ZFP37: variants seen among roughly 807,000 people sequenced by gnomAD.
The protein encoded by ZFP37 is ZFP37 zinc finger protein, also known as zinc finger protein 37 homolog.
A neutral mutation model predicts 52.1 loss-of-function variants in ZFP37; 38 were observed. The ratio of observed to expected loss-of-function variants is 0.73; its 90% CI spans 0.56 to 0.96. ZFP37 has a LOEUF of 0.96. ZFP37 is among the 40% of genes least tolerant of loss of function. The pLI is 0.00. For missense variants in ZFP37, 695 were observed against 741.4 expected (o/e 0.94, Z 0.73); for synonymous variants, 253 against 259.5 (o/e 0.98, Z 0.24).
In ZFP37 at chr9:113,038,406, T is replaced by C. The variant is rs1157187394; in HGVS notation, c.*4319A>G. On this transcript the variant is annotated 3_prime_UTR_variant, in exon 4 of 4. Coordinates refer to ENST00000374227, the MANE Select transcript of ZFP37 (RefSeq NM_003408.3). ...TTTGTAAACTGTTTTTTATTTAGTA[T>C]TTTAGATGCTACAGGTTGGTTTGTA... 6.6e-6 allele frequency: 1 copy of C among 152,138 alleles called. No individual in the cohort carries two copies. Among genetic ancestry groups the C allele is most frequent in the African/African-American group, 2.4e-5 (1 of 41,438 alleles). 9.4% of individuals were successfully genotyped at this position (152,138 alleles called of 1,614,324 possible). A position where few individuals can be genotyped will look rare whatever the true frequency, so the allele number is the denominator to read the frequency against.
In ZFP37 at chr9:113,043,971, A is replaced by G; in HGVS notation, c.647T>C (p.Leu216Ser). 6 of 1,614,052 alleles carry G rather than the reference A, an allele frequency of 3.7e-6. No individual in the cohort carries two copies. Among genetic ancestry groups the G allele is most frequent in the Non-Finnish European group, 5.1e-6 (6 of 1,179,952 alleles). Residue 216 changes from leucine (L) to serine (S), a missense_variant, in exon 4 of 4, where the codon TTA becomes TCA. By Grantham distance (145) the Leu-to-Ser change is moderately radical (BLOSUM62 -2). Transcript: ENST00000374227. ...KEHKKSFNHS[L>S]SDTRKGKKQT... ...CTTTTTGCCTTTCCTTGTATCAGAT[A>G]AGCTATGGTTGAATGACTTCTTGTG...
Position 113,043,488 on chromosome 9 carries a change from T to G in ZFP37, c.1130A>C (p.Tyr377Ser). The G allele has an allele frequency of 6.2e-7, 1 of 1,614,102 alleles. No homozygotes were observed. Among genetic ancestry groups the G allele is most frequent in the South Asian group, 1.1e-5 (1 of 91,078 alleles). Reference sequence around the variant, plus strand: ...GGTTTTCCCACATTCAGCACATTCATAGGGCTTTTCTCCAGTATGAATTCT... The same window carrying G: ...GGTTTTCCCACATTCAGCACATTCAGAGGGCTTTTCTCCAGTATGAATTCT... ...HLRIHTGEKPYECAECGKTFR... is the reference protein window; with the variant it reads ...HLRIHTGEKPSECAECGKTFR... Residue 377 changes from tyrosine to serine, a missense_variant, in exon 4 of 4, where the codon TAT (tyrosine) becomes TCT (serine). This residue lies in a region of ZFP37 where 326 missense variants were observed against 400.5 expected (regional missense o/e 0.81). Transcript: ENST00000374227.
rs762643481 is a variant in ZFP37, at chr9:113,043,039, T to A, written c.1579A>T (p.Lys527Ter). 5 of 1,613,640 alleles carry A rather than the reference T, an allele frequency of 3.1e-6. No individual in the cohort carries two copies. In the Admixed American group the frequency reaches 8.3e-5, roughly 27 times the overall value. Residue 527 changes from lysine (K) to a stop codon, truncating the protein, a stop_gained, in exon 4 of 4, where the codon AAA becomes TAA. Transcript: ENST00000374227. LOFTEE classifies it high-confidence loss of function. ...FECNQCGKGF[K>*]QIEGLTQHQR... is the part of the protein sequence containing the mutation. Reference sequence around the variant, plus strand: ...TGTTGAGTAAGGCCTTCAATTTGTTTAAAGCCTTTCCCACATTGATTACAT... The same window carrying A: ...TGTTGAGTAAGGCCTTCAATTTGTTAAAAGCCTTTCCCACATTGATTACAT...
Position 113,040,819 on chromosome 9 carries a change from ATATTT to A in ZFP37, c.*1901_*1905del, listed in dbSNP as rs1160794901. 6 of 152,220 alleles carry A rather than the reference ATATTT, an allele frequency of 3.9e-5. No homozygotes were observed. The highest frequency in any genetic ancestry group is 7.3e-5 in the Non-Finnish European group (5 of 68,038). 9.4% of individuals were successfully genotyped at this position (152,220 alleles called of 1,614,324 possible). ...ATAAAAGATAACATGCCAAATTATA[ATATTT>A]TATATTATGTAAATTAATATTGTAT... On this transcript the variant is annotated 3_prime_UTR_variant, in exon 4 of 4. Coordinates refer to ENST00000374227, the MANE Select transcript of ZFP37 (RefSeq NM_003408.3).
chr9:113,055,509 G>A (rs1829124533), intron 1 of ZFP37, among the ~76,000 whole-genome samples: 1 of 152,140 alleles, frequency 6.6e-6, no homozygotes, highest in Non-Finnish European at 1.5e-5. Context: ...GGACAAAGCA[G>A]GGACTGCAAA....
rs1456495700 is a variant in ZFP37 at position 113,056,703 on chromosome 9, G to A, written c.-15C>T. 3.7e-6 allele frequency: 6 copies of A among 1,610,178 alleles called. No homozygotes were observed. Among genetic ancestry groups the A allele is most frequent in the East Asian group, 2.2e-5 (1 of 44,864 alleles). On this transcript the variant is annotated 5_prime_UTR_variant, in exon 1 of 4. Coordinates refer to ENST00000374227, the MANE Select transcript of ZFP37 (RefSeq NM_003408.3). ...GAGACCGACATGGCGGCTACCCGGA[G>A]GGCGGCCTTAGCGGGTCCGGCAGCC...
chr9:113,056,119 TGATGCTCCCA>T lies in ZFP37; in HGVS notation c.132+428_132+437del, dbSNP rs879502602. Reference sequence around the variant, plus strand: ...TCACTGACTCCCAAGCCCCAATCTCTGATGCTCCCAGATGCTCCCAATCACTGAATTTCCC... The same window carrying T: ...TCACTGACTCCCAAGCCCCAATCTCTGATGCTCCCAATCACTGAATTTCCC... On this transcript the variant is annotated intron_variant, in intron 1 of 3. Transcript: ENST00000374227. 9.9e-5 allele frequency among the ~76,000 whole-genome samples: 15 copies of T among 151,828 alleles called. 1 individual carries two copies. Among genetic ancestry groups the T allele is most frequent in the South Asian group, 4.2e-4 (2 of 4,784 alleles).
chr9:113,056,475 T>C, intron 1 of ZFP37, 82 bp downstream of exon 1: 1 of 1,560,570 alleles, frequency 6.4e-7, no homozygotes, highest in Non-Finnish European at 8.7e-7. Context: ...AAATCACCTA[T>C]CGTCACAGAC....
rs766308019 is a variant in ZFP37 at position 113,043,748 on chromosome 9, C to T, written c.870G>A (p.Val290=). The part of the protein sequence containing the change: ...STKHEKPQAC[V]KPYECNQCGK... ...CACATTGATTACATTCATAGGGTTT[C>T]ACACAAGCTTGAGGTTTTTCATGCT... is the stretch of plus-strand genomic sequence containing the variant. The change falls in exon 4 of 4, where the codon GTG becomes GTA. Residue 290 remains valine, a synonymous_variant. Transcript: ENST00000374227. The T allele has an allele frequency of 2.5e-6, 4 of 1,614,004 alleles. No individual in the cohort carries two copies. Among genetic ancestry groups the T allele is most frequent in the Non-Finnish European group, 3.4e-6 (4 of 1,179,952 alleles).
chr9:113,047,963 A>G (rs1248999502), intron 3 of ZFP37, among the ~76,000 whole-genome samples: 1 of 152,226 alleles, frequency 6.6e-6, no homozygotes, highest in Non-Finnish European at 1.5e-5. Context: ...ATGAATAATC[A>G]ATACAATTTT....
chr9:113,038,615 T>C lies in ZFP37; in HGVS notation c.*4110A>G, dbSNP rs1828800261. 8.7e-6 allele frequency: 1 copy of C among 115,298 alleles called. No individual in the cohort carries two copies. The highest frequency in any genetic ancestry group is 3.7e-5 in the African/African-American group (1 of 27,156). 7.1% of individuals were successfully genotyped at this position (115,298 alleles called of 1,614,324 possible). On this transcript the variant is annotated 3_prime_UTR_variant, in exon 4 of 4. Transcript: ENST00000374227. ...CTGAGTAACATGGCAAAACTCTGTT[T>C]CCACCAAAAAAAAAAAAAAAAAATT...
Position 113,052,738 on chromosome 9 carries a change from GA to G in ZFP37, c.133-2867del, listed in dbSNP as rs1829078229. ...GTACAAAAATTCCAGACTCCCAGAA[GA>G]AAGCAGGTGTTCAGCATAAACCACA... On this transcript the variant is annotated intron_variant, in intron 1 of 3. Transcript: ENST00000374227. This position sits in a 1 kb window ranked among gnomAD's most constrained non-coding sequence, Gnocchi z 4.1. Among the ~76,000 whole-genome samples, 1 of 152,172 alleles carries G rather than the reference GA, an allele frequency of 6.6e-6. No individual in the cohort carries two copies. Among genetic ancestry groups the G allele is most frequent in the Non-Finnish European group, 1.5e-5 (1 of 68,008 alleles).
intron 3 of ZFP37, among the ~76,000 whole-genome samples, chr9:113,046,921 A>G (rs1828967770): frequency 6.6e-6 from 1 of 152,142 alleles, no homozygotes; most frequent in South Asian, 2.1e-4. Flanking sequence ...ATCCTAGCTA[A>G]CACGGTGAAA....
intron 1 of ZFP37, among the ~76,000 whole-genome samples, chr9:113,055,330 C>A (rs1306764030): frequency 6.6e-6 from 1 of 152,214 alleles, no homozygotes; most frequent in Non-Finnish European, 1.5e-5. Context: ...TCACTCTGTA[C>A]CACACCATCC....
intron 3 of ZFP37, among the ~76,000 whole-genome samples, chr9:113,046,477 C>G (rs1828958927): frequency 2.0e-5 from 3 of 152,016 alleles, no homozygotes; most frequent in Admixed American, 1.3e-4. Context: ...TGAAAACTTT[C>G]CCCTTGACAT....
chr9:113,056,502 C>A, intron 1 of ZFP37, 55 bp downstream of exon 1: 1 of 1,599,260 alleles, frequency 6.3e-7, no homozygotes, highest in Non-Finnish European at 8.5e-7. Flanking sequence ...AATCACTGCC[C>A]CGCAAGTACA....
intron 1 of ZFP37, among the ~76,000 whole-genome samples, chr9:113,051,196 T>C (rs917844220): frequency 6.6e-6 from 1 of 152,146 alleles, no homozygotes; most frequent in South Asian, 2.1e-4. Context: ...CTTGATAATG[T>C]GCTTGTACAA....
rs1396448075 is a variant in ZFP37, at chr9:113,043,668, C to G, written c.950G>C (p.Gly317Ala). The change falls in exon 4 of 4, where the codon GGG becomes GCG. Residue 317 changes from glycine to alanine, a missense_variant. Gly to Ala is a moderately conservative substitution (Grantham distance 60). Around this residue, in one of 2 missense-constraint regions of ZFP37, gnomAD observed 326 missense variants for 400.5 expected, o/e 0.81. Coordinates refer to ENST00000374227, the MANE Select transcript of ZFP37 (RefSeq NM_003408.3). The stretch of plus-strand genomic sequence containing the variant: ...TTCATTACATTCATATGGTTTCTCC[C>G]CAGTATGAACTCTCTGATGGTCAAT... The part of the protein sequence containing the change: ...GLIDHQRVHT[G>A]EKPYECNECG... 2 of 1,613,940 alleles carry G rather than the reference C, an allele frequency of 1.2e-6. No individual in the cohort carries two copies. Among genetic ancestry groups the G allele is most frequent in the African/African-American group, 2.7e-5 (2 of 74,926 alleles).
At position 113,042,911 on chromosome 9, in the gene ZFP37, C is replaced by A. The variant is rs770960964; in HGVS notation, c.1707G>T (p.Gly569=). 1 of 1,613,772 alleles carries A rather than the reference C, an allele frequency of 6.2e-7. No homozygotes were observed. Among genetic ancestry groups the A allele is most frequent in the Non-Finnish European group, 8.5e-7 (1 of 1,179,892 alleles). The change falls in exon 4 of 4, where the codon GGG becomes GGT. Residue 569 remains glycine, a synonymous_variant. Coordinates refer to ENST00000374227, the MANE Select transcript of ZFP37 (RefSeq NM_003408.3). ...HLIVHQRTHT[G]EKPYECNECE... ...ATTCGTTACATTCATAAGGTTTCTC[C>A]CCAGTATGAGTTCTCTGATGTACAA...
Sources: gnomAD v4.1 joint callset for allele counts (sites outside exome capture counted in the v4.1 genomes callset) on GRCh38, gnomAD v4.1.1 for gene constraint, gnomAD v4.1.1 regional missense constraint, Gnocchi (gnomAD v3.1) non-coding constraint, MANE v1.5 for transcripts, NCBI Gene and HGNC (gene_info 2026-07-23, HGNC 2026-07-21) for gene names.